The following PAPLN variants were observed in gnomAD, a reference collection of about 807,000 sequenced individuals.
PAPLN encodes the protein papilin.
PAPLN carries 146 observed loss-of-function variants against 159.0 expected under a neutral mutation model. That is an observed-to-expected ratio of 0.92 (90% CI 0.80 to 1.05). The LOEUF is 1.05. Ranked by LOEUF, PAPLN falls within the 50% of genes least tolerant of loss-of-function variation. The pLI, the probability that PAPLN is intolerant of heterozygous loss-of-function variation, is 0.00. For missense variants in PAPLN, 1,720 were observed against 1,743.9 expected (o/e 0.99, Z 0.24); for synonymous variants, 734 against 702.9 (o/e 1.04, Z -0.70).
At chr14:73,268,215 G>A (rs569697190) in intron 25 of PAPLN, among the ~76,000 whole-genome samples, 7 of 152,062 alleles carry the variant, frequency 4.6e-5, no homozygotes, top group South Asian at 4.2e-4. Context: ...ACTTCGCTGC[G>A]TCAGTGCGAT....
At position 73,245,889 on chromosome 14, in the gene PAPLN, A is replaced by G. The variant is rs1265055811; in HGVS notation, c.232-184A>G. ...CCCGGGGACTGGCCTTGCCCTCCACAGCCTAGAGCACCATGGAGGGGCACG... is the reference window on the plus strand; with the variant it reads ...CCCGGGGACTGGCCTTGCCCTCCACGGCCTAGAGCACCATGGAGGGGCACG... On this transcript the variant is annotated intron_variant, in intron 4 of 26. Coordinates refer to ENST00000644200, the MANE Select transcript of PAPLN (RefSeq NM_001365906.3). This position sits in a 1 kb window ranked among gnomAD's most constrained non-coding sequence, Gnocchi z 4.2. 5.7e-6 allele frequency: 5 copies of G among 877,882 alleles called. No homozygotes were observed. In the Admixed American group the frequency reaches 1.1e-4, roughly 20 times the overall value. The allele number at this position is 877,882 out of a possible 1,614,324, so 54.4% of individuals were successfully genotyped here.
chr14:73,268,085 C>T (rs1029916880), intron 25 of PAPLN, among the ~76,000 whole-genome samples: 2 of 151,938 alleles, frequency 1.3e-5, no homozygotes, highest in African/African-American at 4.8e-5. Flanking sequence ...GTTCTGCTTG[C>T]CGTATGCTCC....
chr14:73,245,954 G>A lies in PAPLN; in HGVS notation c.232-119G>A, dbSNP rs145060858. 2.6e-3 allele frequency: 2,843 copies of A among 1,077,898 alleles called. 149 individuals are homozygous for A. The East Asian group carries it at 0.075, about 29-fold the overall frequency. 66.8% of individuals were successfully genotyped at this position (1,077,898 alleles called of 1,614,324 possible). ...GGTCCGGGGGGCGGACTCCACCTCC[G>A]GCGGCTCCGATGGGGCAGGCAAGGG... On this transcript the variant is annotated intron_variant, in intron 4 of 26. Coordinates refer to ENST00000644200, the MANE Select transcript of PAPLN (RefSeq NM_001365906.3). The surrounding 1 kb of genome is among the most constrained non-coding windows in gnomAD (Gnocchi z 4.2).
At chr14:73,267,697 A>G (rs1187043882) in intron 25 of PAPLN, among the ~76,000 whole-genome samples, 1 of 152,218 alleles carries the variant, frequency 6.6e-6, no homozygotes, top group Non-Finnish European at 1.5e-5. Context: ...CCTTGAGCCC[A>G]GGGAAGGCGG....
intron 5 of PAPLN, among the ~76,000 whole-genome samples, chr14:73,246,594 T>G (rs1365999504): frequency 6.6e-6 from 1 of 151,168 alleles, no homozygotes; most frequent in Non-Finnish European, 1.5e-5. Context: ...TTGCTCTTTT[T>G]TCTCTCTTCC....
rs536893907 is a variant in PAPLN, at chr14:73,253,946, G to A, written c.1287G>A (p.Pro429=). The change falls in exon 12 of 27, where the codon CCG becomes CCA. Residue 429 remains proline (P), a synonymous_variant. Coordinates refer to ENST00000644200, the MANE Select transcript of PAPLN (RefSeq NM_001365906.3). ...TGCAGCGCTGTGCAGCCTGGAGCCC[G>A]GAGCCCTGGGGAGAGGTCAGGCCCC... The part of the protein sequence containing the change: ...CNLQRCAAWS[P]EPWGECSVSC... The A allele has an allele frequency of 2.4e-5, 38 of 1,610,988 alleles. No homozygotes were observed. The East Asian group carries it at 4.7e-4, about 20-fold the overall frequency.
chr14:73,256,464 C>T (rs532446203), intron 14 of PAPLN, among the ~76,000 whole-genome samples: 1 of 139,972 alleles, frequency 7.1e-6, no homozygotes, highest in Non-Finnish European at 1.5e-5. Context: ...CCTGGCAGGC[C>T]GAGGTTGCAG....
At chr14:73,257,671 G>T (rs1180627606) in intron 14 of PAPLN, among the ~76,000 whole-genome samples, 2 of 150,262 alleles carry the variant, frequency 1.3e-5, no homozygotes, top group Non-Finnish European at 3.0e-5. Flanking sequence ...GAAATGCATA[G>T]TGAGCAGCCA....
In PAPLN at chr14:73,261,297, G is replaced by A; in HGVS notation, c.2245+3G>A. The A allele has an allele frequency of 1.2e-6, 2 of 1,613,480 alleles. No individual in the cohort carries two copies. Among genetic ancestry groups the A allele is most frequent in the Non-Finnish European group, 1.7e-6 (2 of 1,179,914 alleles). On this transcript the variant is annotated splice_donor_region_variant and intron_variant, in intron 18 of 26. Transcript: ENST00000644200. The stretch of plus-strand genomic sequence containing the variant: ...CTGTGTGGGCCAGCCCAGCCATGGT[G>A]AGTGGACACCCCCTCTCCTCCTTCT...
chr14:73,249,232 A>G (rs960397225), intron 5 of PAPLN, among the ~76,000 whole-genome samples: 2 of 152,184 alleles, frequency 1.3e-5, no homozygotes, highest in Non-Finnish European at 2.9e-5. Flanking sequence ...CTCTCCATAT[A>G]TGCTTACATA....
chr14:73,248,249 A>ATC (rs1884834766), intron 5 of PAPLN, among the ~76,000 whole-genome samples: 1 of 76,852 alleles, frequency 1.3e-5, no homozygotes, highest in African/African-American at 6.0e-5. Context: ...CATATCCTCT[A>ATC]TGTGTGTGTG....
intron 19 of PAPLN, chr14:73,263,360 C>T (rs909810867): frequency 3.9e-5 from 21 of 536,698 alleles, no homozygotes; most frequent in African/African-American, 9.4e-5. Flanking sequence ...TGGTGTGTGC[C>T]GTCCCTCCCG....
chr14:73,249,307 A>G (rs1171373747), intron 5 of PAPLN, among the ~76,000 whole-genome samples: 1 of 152,142 alleles, frequency 6.6e-6, no homozygotes, highest in Non-Finnish European at 1.5e-5. Context: ...CCCACACCAT[A>G]TAGTCTTCAC....
chr14:73,255,945 G>A (rs980898408), intron 14 of PAPLN, among the ~76,000 whole-genome samples: 1 of 152,212 alleles, frequency 6.6e-6, no homozygotes, highest in African/African-American at 2.4e-5. Flanking sequence ...TAAAAAGAGC[G>A]ACTTTCCAGA....
In PAPLN at chr14:73,254,955, C is replaced by T. The variant is rs1339226613; in HGVS notation, c.1564C>T (p.Leu522=). ...TGGGCCGCCCAGCCACTGCGGGAGC[C>T]TGCAGCACTCCAAGCCTGTGGATGT... The part of the protein sequence containing the change: ...AIGPPSHCGS[L]QHSKPVDVEP... The change falls in exon 14 of 27, where the codon CTG becomes TTG. Residue 522 remains leucine, a synonymous_variant. Transcript: ENST00000644200. 4 of 1,613,648 alleles carry T rather than the reference C, an allele frequency of 2.5e-6. No individual in the cohort carries two copies. Among genetic ancestry groups the T allele is most frequent in the Non-Finnish European group, 3.4e-6 (4 of 1,180,002 alleles).
Position 73,261,382 on chromosome 14 carries a change from C to T in PAPLN, c.2245+88C>T. 3 of 1,499,404 alleles carry T rather than the reference C, an allele frequency of 2.0e-6. No homozygotes were observed. In the South Asian group the frequency reaches 3.9e-5, roughly 19 times the overall value. 92.9% of individuals were successfully genotyped at this position (1,499,404 alleles called of 1,614,324 possible). Reference sequence around the variant, plus strand: ...CCCCCACCCAGGACCAAAGACCTTCCTACCAGCTCAGTTATTCATTCATTC... The same window carrying T: ...CCCCCACCCAGGACCAAAGACCTTCTTACCAGCTCAGTTATTCATTCATTC... On this transcript the variant is annotated intron_variant, in intron 18 of 26. Coordinates refer to ENST00000644200, the MANE Select transcript of PAPLN (RefSeq NM_001365906.3).
intron 18 of PAPLN, 130 bp downstream of exon 18, chr14:73,261,424 T>C (rs951674934): frequency 3.1e-5 from 41 of 1,334,498 alleles, no homozygotes; most frequent in Non-Finnish European, 3.7e-5. Context: ...CAAATGTTGA[T>C]TGCCTGCTAG....
chr14:73,270,143 G>T (rs542404918), intron 26 of PAPLN, among the ~76,000 whole-genome samples: 8 of 152,314 alleles, frequency 5.3e-5, no homozygotes, highest in Middle Eastern at 3.4e-3. Flanking sequence ...TCGCCAGCCC[G>T]CCGCCTTGAC....
rs377579769 is a variant in PAPLN, at chr14:73,248,075, C to CCGTG, written c.334+1900_334+1901insCGTG. ...TGGCCCAGTGGGAGTCTCATATCCT[C>CCGTG]TGTGTGTGTGTGTGTGTGTGTGTGT... is the stretch of plus-strand genomic sequence containing the variant. On this transcript the variant is annotated intron_variant, in intron 5 of 26. Transcript: ENST00000644200. Among the ~76,000 whole-genome samples, 11 of 45,602 alleles carry CCGTG rather than the reference C, an allele frequency of 2.4e-4. 1 individual carries two copies. In the South Asian group the frequency reaches 0.011, roughly 45 times the overall value. 29.9% of individuals were successfully genotyped at this position (45,602 alleles called of 152,430 possible). A position where few individuals can be genotyped will look rare whatever the true frequency, so the allele number is the denominator to read the frequency against.
Sources: allele counts gnomAD v4.1 joint callset (sites outside exome capture counted in the v4.1 genomes callset), GRCh38; gene constraint gnomAD v4.1.1; non-coding constraint Gnocchi (gnomAD v3.1); transcripts MANE v1.5; gene names NCBI Gene and HGNC (gene_info 2026-07-23, HGNC 2026-07-21).